PDE3A: variants seen among roughly 807,000 people sequenced by gnomAD.
The protein encoded by PDE3A is cGMP-inhibited 3',5'-cyclic phosphodiesterase 3A.
PDE3A carries 43 observed loss-of-function variants against 98.3 expected under a neutral mutation model. The ratio of observed to expected loss-of-function variants is 0.44; its 90% CI spans 0.34 to 0.56. PDE3A has a LOEUF of 0.56. Ranked by LOEUF, PDE3A falls within the 20% of genes least tolerant of loss-of-function variation. The pLI is 0.01. For synonymous variants in PDE3A, 663 were observed against 567.9 expected (o/e 1.17, Z -2.38); for missense variants, 1,427 against 1,440.7 (o/e 0.99, Z 0.15).
At chr12:20,524,169 C>A in intron 1 of PDE3A, among the ~76,000 whole-genome samples, 1 of 152,196 alleles carries the variant, frequency 6.6e-6, no homozygotes, top group East Asian at 1.9e-4. Context: ...AATAAGTCTT[C>A]ATCTGTACTC....
chr12:20,538,075 A>C (rs550147409), intron 1 of PDE3A, among the ~76,000 whole-genome samples: 3 of 152,292 alleles, frequency 2.0e-5, no homozygotes, highest in African/African-American at 4.8e-5. Context: ...TTCAGAGAAA[A>C]TTCAAAGTCA....
intron 1 of PDE3A, among the ~76,000 whole-genome samples, 192 bp from the exon 2 acceptor site, chr12:20,556,468 G>T (rs1942371183): frequency 6.6e-6 from 1 of 152,038 alleles, no homozygotes; most frequent in African/African-American, 2.4e-5. Context: ...CTCTCAAAAT[G>T]ATTAGAAGTT....
At chr12:20,570,182 G>A (rs751425159) in intron 2 of PDE3A, among the ~76,000 whole-genome samples, 12 of 151,962 alleles carry the variant, frequency 7.9e-5, no homozygotes, top group Non-Finnish European at 1.6e-4. Context: ...CCAGGTGGGT[G>A]GATCACTTGA....
At chr12:20,533,368 A>T (rs1388811788) in intron 1 of PDE3A, among the ~76,000 whole-genome samples, 1 of 151,886 alleles carries the variant, frequency 6.6e-6, no homozygotes. Context: ...GCCTTGACTC[A>T]AGACCTCCTT....
chr12:20,537,849 T>TAAAA (rs33973053), intron 1 of PDE3A, among the ~76,000 whole-genome samples: 32 of 145,198 alleles, frequency 2.2e-4, no homozygotes, highest in Admixed American at 5.5e-4. Flanking sequence ...CCTTTGTTCT[T>TAAAA]AAAAAAAAAA....
At chr12:20,615,417 C>CATTAATCATA (rs1236506960) in intron 3 of PDE3A, among the ~76,000 whole-genome samples, 1 of 152,116 alleles carries the variant, frequency 6.6e-6, no homozygotes, top group African/African-American at 2.4e-5. Flanking sequence ...GTCTAAGTTA[C>CATTAATCATA]ATTAATCATA....
chr12:20,559,491 G>GATAATA (rs140415835), intron 2 of PDE3A, among the ~76,000 whole-genome samples: 25 of 149,178 alleles, frequency 1.7e-4, no homozygotes, highest in East Asian at 5.9e-4. Context: ...TACAAATAAT[G>GATAATA]ATAATAATAA....
chr12:20,479,356 G>A (rs1032611340), intron 1 of PDE3A, among the ~76,000 whole-genome samples: 27 of 152,162 alleles, frequency 1.8e-4, no homozygotes, highest in African/African-American at 6.3e-4. Flanking sequence ...TAACGTGATT[G>A]TACTAGTAAG....
rs1944983297 is a variant in PDE3A, at chr12:20,654,090, T to C, written c.3069T>C (p.Pro1023=). 1.1e-5 allele frequency: 17 copies of C among 1,614,038 alleles called. No homozygotes were observed. Among genetic ancestry groups the C allele is most frequent in the Non-Finnish European group, 1.4e-5 (17 of 1,179,986 alleles). The change falls in exon 15 of 16, where the codon CCT becomes CCC. Residue 1023 remains proline (P), a synonymous_variant. Coordinates refer to ENST00000359062, the MANE Select transcript of PDE3A (RefSeq NM_000921.5). ...CNSYDSAGLM[P]GKWVEDSDES... ...CCTATGATTCAGCAGGACTAATGCC[T>C]GGAAAATGGGTGGAAGACAGCGATG... is the stretch of plus-strand genomic sequence containing the variant.
intron 2 of PDE3A, among the ~76,000 whole-genome samples, chr12:20,578,586 C>T (rs1942996166): frequency 6.6e-6 from 1 of 152,028 alleles, no homozygotes; most frequent in Admixed American, 6.6e-5. Flanking sequence ...GAAAAGAACC[C>T]ACACACCATC....
At chr12:20,588,711 C>T (rs1322633178) in intron 2 of PDE3A, among the ~76,000 whole-genome samples, 1 of 152,026 alleles carries the variant, frequency 6.6e-6, no homozygotes, top group African/African-American at 2.4e-5. Context: ...GAAAAGTGGA[C>T]CTTTCCGATA....
intron 1 of PDE3A, among the ~76,000 whole-genome samples, chr12:20,438,539 G>A (rs933873818): frequency 1.3e-5 from 2 of 152,150 alleles, no homozygotes; most frequent in Admixed American, 6.5e-5. Flanking sequence ...GACAAATATG[G>A]TATGCATTCA....
chr12:20,545,898 G>A (rs1387754483), intron 1 of PDE3A, among the ~76,000 whole-genome samples: 1 of 151,974 alleles, frequency 6.6e-6, no homozygotes, highest in African/African-American at 2.4e-5. Context: ...ATGTAATGAT[G>A]TCCTCTTGTC....
chr12:20,680,023 A>G lies in PDE3A; in HGVS notation c.3185-7A>G. 4 of 1,583,440 alleles carry G rather than the reference A, an allele frequency of 2.5e-6. No individual in the cohort carries two copies. The highest frequency in any genetic ancestry group is 3.4e-6 in the Non-Finnish European group (4 of 1,159,480). On this transcript the variant is annotated splice_region_variant and splice_polypyrimidine_tract_variant and intron_variant, in intron 15 of 15. Coordinates refer to ENST00000359062, the MANE Select transcript of PDE3A (RefSeq NM_000921.5). Reference sequence around the variant, plus strand: ...TGATTTGGTGTTTTTTATTTTATTTATTTTAGAAAAGAAGACTTTCAAAAG... The same window carrying G: ...TGATTTGGTGTTTTTTATTTTATTTGTTTTAGAAAAGAAGACTTTCAAAAG...
chr12:20,636,635 T>A lies in PDE3A; in HGVS notation c.2002-465T>A, dbSNP rs189134099. ...ACTTAATTAATAATAGTAGGAATGA[T>A]CAGGTCCTACTACTCATGGATTTCT... On this transcript the variant is annotated intron_variant, in intron 8 of 15. Coordinates refer to ENST00000359062, the MANE Select transcript of PDE3A (RefSeq NM_000921.5). 5.5e-4 allele frequency among the ~76,000 whole-genome samples: 83 copies of A among 152,268 alleles called. No individual in the cohort carries two copies. The East Asian group carries it at 0.016, about 29-fold the overall frequency.
chr12:20,420,483 C>T (rs1013901485), intron 1 of PDE3A, among the ~76,000 whole-genome samples: 2 of 152,116 alleles, frequency 1.3e-5, no homozygotes, highest in Non-Finnish European at 2.9e-5. Context: ...AGGAATGAAA[C>T]TCCATTGGTA....
At chr12:20,669,701 A>G (rs1451697370) in intron 15 of PDE3A, among the ~76,000 whole-genome samples, 1 of 152,172 alleles carries the variant, frequency 6.6e-6, no homozygotes, top group Non-Finnish European at 1.5e-5. Context: ...TGAAGGAAGC[A>G]CTAAACATGG....
At chr12:20,649,029 G>C in intron 13 of PDE3A, 138 bp downstream of exon 13, 1 of 606,936 alleles carries the variant, frequency 1.6e-6, no homozygotes, top group South Asian at 2.1e-5. Flanking sequence ...GGGTTCAAGT[G>C]ATTCTCCTGC....
At position 20,623,095 on chromosome 12, in the gene PDE3A, A is replaced by G. The variant is rs529573399; in HGVS notation, c.1540+1684A>G. 5.3e-5 allele frequency among the ~76,000 whole-genome samples: 8 copies of G among 152,304 alleles called. No individual in the cohort carries two copies. In the East Asian group the frequency reaches 1.5e-3, roughly 29 times the overall value. The stretch of plus-strand genomic sequence containing the variant: ...AAATGTAACTTTTGGAAATGTAGTC[A>G]AGGAAATATTAAATAGCATAGTAGA... On this transcript the variant is annotated intron_variant, in intron 5 of 15. Coordinates refer to ENST00000359062, the MANE Select transcript of PDE3A (RefSeq NM_000921.5).
Sources: gnomAD v4.1 joint callset for allele counts (sites outside exome capture counted in the v4.1 genomes callset) on GRCh38, gnomAD v4.1.1 for gene constraint, MANE v1.5 for transcripts, NCBI Gene and HGNC (gene_info 2026-07-23, HGNC 2026-07-21) for gene names.